The following ANPEP variants were observed in gnomAD, a reference collection of about 807,000 sequenced individuals.
ANPEP encodes the protein alanyl aminopeptidase, membrane, also known as aminopeptidase N.
Under a neutral mutation model 114.6 loss-of-function variants are expected in ANPEP, and 70 were observed. That is an observed-to-expected ratio of 0.61 (90% CI 0.50 to 0.75). The LOEUF (loss-of-function observed/expected upper bound fraction) is 0.75, where lower values mean the gene tolerates loss of function less well. ANPEP is among the 30% of genes least tolerant of loss of function. The probability of loss-of-function intolerance (pLI) is 0.00; values close to 1 mark genes in which losing one functional copy is unlikely to be tolerated. For missense variants in ANPEP, 1,184 were observed against 1,259.5 expected (o/e 0.94, Z 0.91); for synonymous variants, 548 against 522.3 (o/e 1.05, Z -0.67).
intron 1 of ANPEP, among the ~76,000 whole-genome samples, chr15:89,807,850 C>G (rs965489025): frequency 6.6e-6 from 1 of 152,186 alleles, no homozygotes; most frequent in African/African-American, 2.4e-5. Flanking sequence ...TCCCCATCCA[C>G]CAGCCCAGTT....
chr15:89,793,000 C>T (rs771953596), intron 16 of ANPEP, 35 bp downstream of exon 16: 4 of 1,580,326 alleles, frequency 2.5e-6, no homozygotes, highest in South Asian at 1.1e-5. Flanking sequence ...CCCGGGGTGC[C>T]CAGGACTTCC....
intron 15 of ANPEP, among the ~76,000 whole-genome samples, chr15:89,794,186 A>G (rs552207364): frequency 1.3e-5 from 2 of 152,330 alleles, no homozygotes; most frequent in South Asian, 4.1e-4. Flanking sequence ...GACAAGACTC[A>G]GAATTAAAGG....
chr15:89,804,051 G>A, intron 6 of ANPEP, 49 bp from the exon 7 acceptor site: 2 of 1,599,304 alleles, frequency 1.3e-6, no homozygotes, highest in Non-Finnish European at 1.7e-6. Context: ...GCTGGGCACT[G>A]AGAATCCCCA....
intron 15 of ANPEP, among the ~76,000 whole-genome samples, chr15:89,796,638 C>A (rs1194035315): frequency 1.3e-5 from 2 of 151,936 alleles, no homozygotes. Flanking sequence ...CAGGTGCCCG[C>A]CACCACGCCT....
chr15:89,793,927 A>G (rs1968680968), intron 15 of ANPEP, among the ~76,000 whole-genome samples: 1 of 152,124 alleles, frequency 6.6e-6, no homozygotes, highest in Non-Finnish European at 1.5e-5. Context: ...ACCCCATGCT[A>G]GTAAAATCCT....
intron 18 of ANPEP, 129 bp from the exon 19 acceptor site, chr15:89,791,222 G>A: frequency 1.8e-6 from 2 of 1,091,658 alleles, no homozygotes; most frequent in South Asian, 3.1e-5. Flanking sequence ...GGGGCTGAGG[G>A]ACCCCTTGGT....
Position 89,800,846 on chromosome 15 carries a change from C to T in ANPEP, c.1819+265G>A, listed in dbSNP as rs375301361. Among the ~76,000 whole-genome samples the T allele has an allele frequency of 1.4e-4, 21 of 152,260 alleles. 1 individual carries two copies. Among genetic ancestry groups the T allele is most frequent in the Middle Eastern group, 3.4e-3 (1 of 294 alleles). On this transcript the variant is annotated intron_variant, in intron 12 of 20. Transcript: ENST00000300060. Reference sequence around the variant, plus strand: ...GGGATTACAGGCATGAGCCACCATGCCTGGCCTAGGATTCTCTCCTTTAAT... The same window carrying T: ...GGGATTACAGGCATGAGCCACCATGTCTGGCCTAGGATTCTCTCCTTTAAT...
chr15:89,791,162 C>G (rs1432250054), intron 18 of ANPEP, 69 bp from the exon 19 acceptor site: 19 of 1,550,128 alleles, frequency 1.2e-5, no homozygotes, highest in African/African-American at 2.7e-5. Context: ...TGGACTGTCC[C>G]ACGCACATCA....
chr15:89,804,792 C>T, intron 4 of ANPEP, 175 bp from the exon 5 acceptor site: 1 of 956,720 alleles, frequency 1.0e-6, no homozygotes, highest in Non-Finnish European at 1.5e-6. Flanking sequence ...GGTCTGGAGG[C>T]TGTGGGTCCT....
intron 5 of ANPEP, 34 bp downstream of exon 5, chr15:89,804,457 T>G (rs375272333): frequency 2.4e-5 from 38 of 1,613,958 alleles, no homozygotes; most frequent in Middle Eastern, 1.6e-4. Flanking sequence ...TGGAGCTCCA[T>G]CCACTGCCTC....
In ANPEP at chr15:89,799,192, C is replaced by T; in HGVS notation, c.2009+68G>A. On this transcript the variant is annotated intron_variant, in intron 14 of 20. Coordinates refer to ENST00000300060, the MANE Select transcript of ANPEP (RefSeq NM_001150.3). This position sits in a 1 kb window ranked among gnomAD's most constrained non-coding sequence, Gnocchi z 4.2. The stretch of plus-strand genomic sequence containing the variant: ...AAGGGCAGCAGGAGGAGCAGGGGCC[C>T]TCATTGTGGACTCAGACTTGCTGAA... 1 of 1,582,420 alleles carries T rather than the reference C, an allele frequency of 6.3e-7. No homozygotes were observed.
intron 14 of ANPEP, among the ~76,000 whole-genome samples, chr15:89,798,593 C>T (rs972199892): frequency 4.0e-5 from 6 of 151,254 alleles, no homozygotes; most frequent in Admixed American, 6.6e-5. Context: ...GCCAAGATCA[C>T]GCCACTGCAC....
chr15:89,802,136 T>C (rs544808496), intron 10 of ANPEP, among the ~76,000 whole-genome samples: 1 of 152,248 alleles, frequency 6.6e-6, no homozygotes, highest in Admixed American at 6.5e-5. Flanking sequence ...GCCAACCCCA[T>C]TTGTTAATAA....
At chr15:89,788,868 C>T (rs1387849044) in intron 20 of ANPEP, among the ~76,000 whole-genome samples, 8 of 152,100 alleles carry the variant, frequency 5.3e-5, no homozygotes, top group African/African-American at 1.2e-4. Flanking sequence ...GATCCTCCTG[C>T]GTTGGCCTCC....
Position 89,803,765 on chromosome 15 carries a change from A to G in ANPEP, c.1319T>C (p.Val440Ala), listed in dbSNP as rs1450297820. 1.2e-6 allele frequency: 2 copies of G among 1,609,344 alleles called. No homozygotes were observed. Among genetic ancestry groups the G allele is most frequent in the Admixed American group, 1.7e-5 (1 of 59,856 alleles). Residue 440 changes from valine to alanine, a missense_variant, in exon 8 of 21, where the codon GTG becomes GCG. Val to Ala is a moderately conservative substitution (Grantham distance 64, BLOSUM62 0). Coordinates refer to ENST00000300060, the MANE Select transcript of ANPEP (RefSeq NM_001150.3). The surrounding 1 kb of genome is among the most constrained non-coding windows in gnomAD (Gnocchi z 4.2). Reference sequence around the variant, plus strand: ...TGCATCCACTGCCATCACGCGGTACACATCATTCAGCACCATGAGGTCTTT... The same window carrying G: ...TGCATCCACTGCCATCACGCGGTACGCATCATTCAGCACCATGAGGTCTTT... ...NLKDLMVLND[V>A]YRVMAVDALA...
At chr15:89,796,613 G>T (rs1015194025) in intron 15 of ANPEP, among the ~76,000 whole-genome samples, 1 of 151,202 alleles carries the variant, frequency 6.6e-6, no homozygotes, top group Non-Finnish European at 1.5e-5. Flanking sequence ...TCAGCCTCCC[G>T]AGTAGCTGGG....
chr15:89,808,997 T>C (rs1244935217), intron 1 of ANPEP, among the ~76,000 whole-genome samples: 1 of 152,194 alleles, frequency 6.6e-6, no homozygotes, highest in Non-Finnish European at 1.5e-5. Flanking sequence ...CCAAGGGGCC[T>C]TGGTCTGGGA....
rs1894552442 is a variant in ANPEP, at chr15:89,799,906, C to A, written c.1820-347G>T. Among the ~76,000 whole-genome samples, 1 of 152,220 alleles carries A rather than the reference C, an allele frequency of 6.6e-6. No homozygotes were observed. Among genetic ancestry groups the A allele is most frequent in the Non-Finnish European group, 1.5e-5 (1 of 68,032 alleles). Reference sequence around the variant, plus strand: ...TCACACCTGTCACCCAAGTGGGAACCACAGGCAGCTCCTCCTCTCCCTTCC... The same window carrying A: ...TCACACCTGTCACCCAAGTGGGAACAACAGGCAGCTCCTCCTCTCCCTTCC... On this transcript the variant is annotated intron_variant, in intron 12 of 20. Coordinates refer to ENST00000300060, the MANE Select transcript of ANPEP (RefSeq NM_001150.3). The surrounding 1 kb of genome is among the most constrained non-coding windows in gnomAD (Gnocchi z 4.2).
chr15:89,791,038 T>C lies in ANPEP; in HGVS notation c.2584A>G (p.Thr862Ala). The C allele has an allele frequency of 6.2e-7, 1 of 1,614,200 alleles. No homozygotes were observed. The highest frequency in any genetic ancestry group is 8.5e-7 in the Non-Finnish European group (1 of 1,180,042). ...ACGTTGTTGGTAATGCTGATGATGGTAGAGGTGGCGTCCTGCTTCCGGATT... is the reference window on the plus strand; with the variant it reads ...ACGTTGTTGGTAATGCTGATGATGGCAGAGGTGGCGTCCTGCTTCCGGATT... ...DLIRKQDATSTIISITNNVIG... is the reference protein window; with the variant it reads ...DLIRKQDATSAIISITNNVIG... The change falls in exon 19 of 21, where the codon ACC (threonine) becomes GCC (alanine). Residue 862 changes from threonine to alanine, a missense_variant. Coordinates refer to ENST00000300060, the MANE Select transcript of ANPEP (RefSeq NM_001150.3).
Sources: allele counts gnomAD v4.1 joint callset (sites outside exome capture counted in the v4.1 genomes callset), GRCh38; gene constraint gnomAD v4.1.1; non-coding constraint Gnocchi (gnomAD v3.1); transcripts MANE v1.5; gene names NCBI Gene and HGNC (gene_info 2026-07-23, HGNC 2026-07-21).